The following KALRN variants were observed in gnomAD, a reference collection of about 807,000 sequenced individuals.
KALRN encodes kalirin RhoGEF kinase.
Under a neutral mutation model 353.7 loss-of-function variants are expected in KALRN, and 70 were observed. The observed-to-expected ratio is 0.20, with a 90% CI of 0.16 to 0.24. The LOEUF is 0.24. KALRN is among the 10% of genes least tolerant of loss of function. KALRN has a pLI of 1.00. For synonymous variants in KALRN, 1,391 were observed against 1,434.8 expected (o/e 0.97, Z 0.69); for missense variants, 2,791 against 3,756.7 (o/e 0.74, Z 6.72).
At chr3:124,452,979 C>T (rs2058945816) in intron 21 of KALRN, among the ~76,000 whole-genome samples, 1 of 152,060 alleles carries the variant, frequency 6.6e-6, no homozygotes, top group South Asian at 2.1e-4. Flanking sequence ...CACATGGTCT[C>T]TGTTTTAAGT....
Position 124,269,158 on chromosome 3 carries a change from A to G in KALRN, c.872A>G (p.His291Arg). ...PKITSLLDKL[H>R]STRQHLHQMW... Reference sequence around the variant, plus strand: ...ATCACCAGTCTCCTGGACAAGCTGCACTCCACCCGGCAGCACCTGCACCAG... The same window carrying G: ...ATCACCAGTCTCCTGGACAAGCTGCGCTCCACCCGGCAGCACCTGCACCAG... Residue 291 changes from histidine (H) to arginine (R), a missense_variant, in exon 5 of 60, where the codon CAC becomes CGC. His to Arg is a conservative substitution (Grantham distance 29). Around this residue, in one of 11 missense-constraint regions of KALRN, gnomAD observed 366 missense variants for 489.2 expected, o/e 0.75. Transcript: ENST00000682506. The G allele has an allele frequency of 1.9e-6, 3 of 1,613,074 alleles. No homozygotes were observed. The highest frequency in any genetic ancestry group is 2.5e-6 in the Non-Finnish European group (3 of 1,179,654).
intron 1 of KALRN, chr3:124,095,761 T>C (rs1242411991): frequency 3.3e-5 from 5 of 152,238 alleles, no homozygotes; most frequent in African/African-American, 1.2e-4. Context: ...ATTGATTTTT[T>C]AAAATGTTGA....
chr3:124,610,007 T>C (rs2077756668), intron 34 of KALRN, among the ~76,000 whole-genome samples: 1 of 152,188 alleles, frequency 6.6e-6, no homozygotes, highest in Admixed American at 6.5e-5. Context: ...TTAGAACATA[T>C]TTACTGAGCA....
rs780382140 is a variant in KALRN at position 124,413,649 on chromosome 3, G to A, written c.2526G>A (p.Thr842=). 6.8e-6 allele frequency: 11 copies of A among 1,613,574 alleles called. No homozygotes were observed. The highest frequency in any genetic ancestry group is 4.4e-5 in the South Asian group (4 of 90,988). Residue 842 remains threonine (T), a synonymous_variant, in exon 14 of 60, where the codon ACG becomes ACA. Transcript: ENST00000682506. ...GACAGGATCTGCACCAGTACATCACGGAGGTCCAGGCATCAGGTGGGTGAC... is the reference window on the plus strand; with the variant it reads ...GACAGGATCTGCACCAGTACATCACAGAGGTCCAGGCATCAGGTGGGTGAC... The part of the protein sequence containing the change: ...QQGQDLHQYI[T]EVQASGIELI...
At chr3:124,584,835 A>G in intron 34 of KALRN, 1 of 1,605,192 alleles carries the variant, frequency 6.2e-7, no homozygotes, top group Non-Finnish European at 8.5e-7. Context: ...AAGGGCGGCG[A>G]CAGGGCTTAC....
chr3:124,327,459 T>C (rs75069897), intron 7 of KALRN, among the ~76,000 whole-genome samples: 263 of 152,322 alleles, frequency 1.7e-3, no homozygotes, highest in African/African-American at 5.9e-3. Flanking sequence ...CCTGTGAGAA[T>C]CAACTGGCTA....
At chr3:124,679,632 G>T in intron 51 of KALRN, 115 bp downstream of exon 51, 1 of 869,614 alleles carries the variant, frequency 1.1e-6, no homozygotes, top group Non-Finnish European at 2.0e-6. Flanking sequence ...TGATGTTGGG[G>T]CATCTCTGGG....
chr3:124,551,863 C>T (rs1182001908), intron 33 of KALRN, among the ~76,000 whole-genome samples: 3 of 152,230 alleles, frequency 2.0e-5, no homozygotes, highest in East Asian at 3.8e-4. Flanking sequence ...ATGCCCAGCA[C>T]AGCAGCTGGC....
intron 51 of KALRN, among the ~76,000 whole-genome samples, chr3:124,686,746 A>G (rs2061575442): frequency 1.4e-5 from 2 of 144,316 alleles, no homozygotes; most frequent in South Asian, 4.8e-4. Flanking sequence ...AGTCCATATG[A>G]TTCGTCCTGT....
intron 4 of KALRN, 143 bp downstream of exon 4, chr3:124,264,833 C>A: frequency 1.4e-6 from 1 of 716,420 alleles, no homozygotes. Flanking sequence ...CCGCCATGGC[C>A]TTACCAGTTA....
At chr3:124,561,436 T>G (rs1214684673) in intron 33 of KALRN, among the ~76,000 whole-genome samples, 1 of 152,198 alleles carries the variant, frequency 6.6e-6, no homozygotes, top group Non-Finnish European at 1.5e-5. Context: ...TGATGCATTA[T>G]TTTAACCGTT....
At chr3:124,505,048 G>A (rs1422962649) in intron 33 of KALRN, 1 of 467,434 alleles carries the variant, frequency 2.1e-6, no homozygotes, top group South Asian at 1.6e-5. Context: ...GAGCCTGCAG[G>A]TAGAGAAGTG....
chr3:124,651,072 G>A (rs931211081), intron 38 of KALRN, 134 bp downstream of exon 38: 49 of 1,089,154 alleles, frequency 4.5e-5, no homozygotes, highest in East Asian at 3.3e-4. Context: ...ACTCAGATCT[G>A]TACAGCATAG....
At chr3:124,080,923 C>A (rs2060508384) in intron 1 of KALRN, among the ~76,000 whole-genome samples, 2 of 152,162 alleles carry the variant, frequency 1.3e-5, no homozygotes, top group African/African-American at 4.8e-5. Context: ...AAGTCAAACA[C>A]AACAATTAAG....
rs181738718 is a variant in KALRN at position 124,155,385 on chromosome 3, G to C, written c.74-72605G>C. Among the ~76,000 whole-genome samples, 9 of 152,186 alleles carry C rather than the reference G, an allele frequency of 5.9e-5. No homozygotes were observed. In the East Asian group the frequency reaches 1.7e-3, roughly 29 times the overall value. On this transcript the variant is annotated intron_variant, in intron 1 of 59. Coordinates refer to ENST00000682506, the MANE Select transcript of KALRN (RefSeq NM_001388419.1). The stretch of plus-strand genomic sequence containing the variant: ...AATGTCACCTTTGTCTTAAATCAGA[G>C]GTGCCACCAAGTAGTTGATACTACC...
intron 10 of KALRN, among the ~76,000 whole-genome samples, chr3:124,380,326 G>A (rs760480710): frequency 2.6e-5 from 4 of 152,194 alleles, no homozygotes; most frequent in Non-Finnish European, 5.9e-5. Flanking sequence ...AAAGTAATGG[G>A]CCAAGGCTTC....
In KALRN at chr3:124,719,718, A is replaced by G. The variant is rs2150849658; in HGVS notation, c.*248A>G. 2.3e-6 allele frequency: 1 copy of G among 438,832 alleles called. No individual in the cohort carries two copies. Among genetic ancestry groups the G allele is most frequent in the Non-Finnish European group, 4.1e-6 (1 of 243,358 alleles). The allele number at this position is 438,832 out of a possible 1,614,324, so 27.2% of individuals were successfully genotyped here. Reference sequence around the variant, plus strand: ...GGCAAAGGGTCACAGAAGTGTTCAGAAGAAGGGCAAAGATAAGAACAATAT... The same window carrying G: ...GGCAAAGGGTCACAGAAGTGTTCAGGAGAAGGGCAAAGATAAGAACAATAT... On this transcript the variant is annotated 3_prime_UTR_variant, in exon 60 of 60. Transcript: ENST00000682506. The surrounding 1 kb of genome is among the most constrained non-coding windows in gnomAD (Gnocchi z 5.3).
chr3:124,163,816 C>G (rs905223174), intron 1 of KALRN: 3 of 985,376 alleles, frequency 3.0e-6, no homozygotes, highest in Non-Finnish European at 3.6e-6. Context: ...TGCTCCTGGG[C>G]CACCTGACTG....
rs368906207 is a variant in KALRN, at chr3:124,617,605, G to C, written c.5183-14815G>C. 3.3e-5 allele frequency among the ~76,000 whole-genome samples: 5 copies of C among 152,218 alleles called. No homozygotes were observed. In the East Asian group the frequency reaches 7.7e-4, roughly 23 times the overall value. On this transcript the variant is annotated intron_variant, in intron 34 of 59. Transcript: ENST00000682506. Reference sequence around the variant, plus strand: ...ACTGAAAAATTAGACTAAAGTGAAGGGTTCTTATAGGACACTGGTCTTCAA... The same window carrying C: ...ACTGAAAAATTAGACTAAAGTGAAGCGTTCTTATAGGACACTGGTCTTCAA...
Sources: allele counts gnomAD v4.1 joint callset (sites outside exome capture counted in the v4.1 genomes callset), GRCh38; gene constraint gnomAD v4.1.1; regional missense constraint gnomAD v4.1.1; non-coding constraint Gnocchi (gnomAD v3.1); transcripts MANE v1.5; gene names NCBI Gene and HGNC (gene_info 2026-07-23, HGNC 2026-07-21).